Variants in KCNH1 observed in about 807,000 individuals in gnomAD.
The protein encoded by KCNH1 is voltage-gated delayed rectifier potassium channel KCNH1.
In KCNH1, 27 loss-of-function variants were observed where a neutral mutation model predicts 69.2. The ratio of observed to expected loss-of-function variants is 0.39; its 90% CI spans 0.29 to 0.54. The LOEUF (loss-of-function observed/expected upper bound fraction) is 0.54. KCNH1 is among the 20% of genes least tolerant of loss of function. The pLI, the probability that KCNH1 is intolerant of heterozygous loss-of-function variation, is 0.68. For missense variants in KCNH1, 798 were observed against 1,261.6 expected (o/e 0.63, Z 5.57); for synonymous variants, 456 against 487.7 (o/e 0.93, Z 0.86).
rs191965254 is a variant in KCNH1 at position 210,683,141 on chromosome 1, C to T, written c.*140G>A. ...TCTTTTTCCAGATAGAGAAAGAGCA[C>T]GTCTAAGCCACTGGCCCCACTTTTT... is the stretch of plus-strand genomic sequence containing the variant. On this transcript the variant is annotated 3_prime_UTR_variant, in exon 11 of 11. Transcript: ENST00000271751. The surrounding 1 kb of genome is among the most constrained non-coding windows in gnomAD (Gnocchi z 5.7). The T allele has an allele frequency of 1.7e-4, 137 of 813,546 alleles. No individual in the cohort carries two copies. Among genetic ancestry groups the T allele is most frequent in the Middle Eastern group, 3.7e-4 (1 of 2,712 alleles). The allele number at this position is 813,546 out of a possible 1,614,324, so 50.4% of individuals were successfully genotyped here. A position where few individuals can be genotyped will look rare whatever the true frequency, so the allele number is the denominator to read the frequency against.
chr1:211,070,766 G>T (rs537352830), intron 5 of KCNH1, among the ~76,000 whole-genome samples: 1 of 150,342 alleles, frequency 6.7e-6, no homozygotes, highest in African/African-American at 2.4e-5. Flanking sequence ...AGGTTGCAGT[G>T]AGCCAAGATC....
chr1:210,780,262 G>C (rs887553981), intron 9 of KCNH1, among the ~76,000 whole-genome samples: 1 of 152,096 alleles, frequency 6.6e-6, no homozygotes, highest in Non-Finnish European at 1.5e-5. Context: ...GCAGGTCTGG[G>C]AGATCAGAAA....
intron 7 of KCNH1, among the ~76,000 whole-genome samples, chr1:210,806,807 C>CAAA (rs1426085809): frequency 5.2e-5 from 1 of 19,204 alleles, no homozygotes; most frequent in African/African-American, 2.8e-4. Context: ...CCATCTCTAC[C>CAAA]AAAAAAAAAA....
intron 10 of KCNH1, among the ~76,000 whole-genome samples, chr1:210,721,023 A>G (rs1682441821): frequency 6.6e-6 from 1 of 152,138 alleles, no homozygotes; most frequent in Non-Finnish European, 1.5e-5. Context: ...AGAACCCTAC[A>G]ATACCCAAGT....
At position 210,683,090 on chromosome 1, in the gene KCNH1, G is replaced by A. The variant is rs915686201; in HGVS notation, c.*191C>T. The A allele has an allele frequency of 3.0e-6, 2 of 659,548 alleles. No individual in the cohort carries two copies. The highest frequency in any genetic ancestry group is 5.3e-6 in the Non-Finnish European group (2 of 374,938). The allele number at this position is 659,548 out of a possible 1,614,324, so 40.9% of individuals were successfully genotyped here. ...TTCAGATGCAGCTGCCACCTTGCAG[G>A]GTAGGGGCACGCTACCCTTCCCATA... On this transcript the variant is annotated 3_prime_UTR_variant, in exon 11 of 11. Transcript: ENST00000271751. This position sits in a 1 kb window ranked among gnomAD's most constrained non-coding sequence, Gnocchi z 5.7.
chr1:210,683,891 A>G lies in KCNH1; in HGVS notation c.2360T>C (p.Val787Ala). Residue 787 changes from valine to alanine, a missense_variant, in exon 11 of 11, where the codon GTG (valine) becomes GCG (alanine). Physicochemically the swap from Val to Ala is moderately conservative, Grantham distance 64 (BLOSUM62 0). Around this residue, in one of 4 missense-constraint regions of KCNH1, gnomAD observed 331 missense variants for 363.2 expected, o/e 0.91. Transcript: ENST00000271751. The surrounding 1 kb of genome is among the most constrained non-coding windows in gnomAD (Gnocchi z 5.7). ...SANHSLVKAS[V>A]VTVRESPATP... ...GGCAGGACTCTCACGCACGGTGACC[A>G]CGCTGGCCTTCACGAGGCTGTGGTT... 1.2e-6 allele frequency: 2 copies of G among 1,613,774 alleles called. No individual in the cohort carries two copies. Among genetic ancestry groups the G allele is most frequent in the South Asian group, 2.2e-5 (2 of 91,074 alleles).
At chr1:211,018,710 TCTTCTGTTGAC>T (rs1248776623) in intron 6 of KCNH1, 62 bp downstream of exon 6, 2 of 1,150,728 alleles carry the variant, frequency 1.7e-6, no homozygotes, top group African/African-American at 3.1e-5. Context: ...ATTTAATTAT[TCTTCTGTTGAC>T]CACCCACATT....
intron 8 of KCNH1, among the ~76,000 whole-genome samples, 171 bp from the exon 9 acceptor site, chr1:210,797,931 T>TA (rs1684351386): frequency 3.3e-5 from 5 of 152,076 alleles, no homozygotes; most frequent in Admixed American, 2.6e-4. Context: ...AGATAGCTTC[T>TA]AAAAAAAATC....
intron 7 of KCNH1, among the ~76,000 whole-genome samples, chr1:210,828,256 C>T (rs79001712): frequency 0.024 from 3,698 of 152,250 alleles, 151 homozygotes; most frequent in African/African-American, 0.085. Flanking sequence ...ATGATAGTAG[C>T]TACACTACTT....
chr1:210,752,076 A>G (rs4951566), intron 10 of KCNH1, among the ~76,000 whole-genome samples: 25,526 of 152,100 alleles, frequency 0.17, 3,382 homozygotes, highest in African/African-American at 0.37. Context: ...TTCTGTAACT[A>G]TTGTAGCCCA....
intron 10 of KCNH1, among the ~76,000 whole-genome samples, chr1:210,740,703 A>ATTTTTTTTTTT (rs1558449234): frequency 7.4e-5 from 10 of 135,522 alleles, no homozygotes; most frequent in African/African-American, 3.2e-4. Context: ...TTTATGATTA[A>ATTTTTTTTTTT]ATTTTTTTTT....
intron 6 of KCNH1, among the ~76,000 whole-genome samples, chr1:210,923,561 G>T (rs140187229): frequency 6.6e-6 from 1 of 152,216 alleles, no homozygotes; most frequent in Non-Finnish European, 1.5e-5. Context: ...ACAACTGCAC[G>T]ACTGTGCCTG....
chr1:211,018,880 A>G lies in KCNH1; in HGVS notation c.935T>C (p.Phe312Ser). ...SCLPYDVINAFENVDEVSAFM... is the reference protein window; with the variant it reads ...SCLPYDVINASENVDEVSAFM... ...GGCACTAACCTCATCCACGTTCTCAAAAGCGTTGATGACATCATATGGCAA... is the reference window on the plus strand; with the variant it reads ...GGCACTAACCTCATCCACGTTCTCAGAAGCGTTGATGACATCATATGGCAA... Residue 312 changes from phenylalanine (F) to serine (S), a missense_variant, in exon 6 of 11, where the codon TTT becomes TCT. By Grantham distance (155) the Phe-to-Ser change is radical (BLOSUM62 -2). Coordinates refer to ENST00000271751, the MANE Select transcript of KCNH1 (RefSeq NM_172362.3). The G allele has an allele frequency of 6.2e-7, 1 of 1,614,098 alleles. No homozygotes were observed. Among genetic ancestry groups the G allele is most frequent in the African/African-American group, 1.3e-5 (1 of 75,032 alleles).
intron 10 of KCNH1, among the ~76,000 whole-genome samples, chr1:210,713,839 T>C (rs1211302959): frequency 1.3e-5 from 2 of 152,102 alleles, no homozygotes; most frequent in South Asian, 2.1e-4. Context: ...AATTCAGAGG[T>C]CAACTACACA....
chr1:210,694,508 T>C (rs1044238245), intron 10 of KCNH1, among the ~76,000 whole-genome samples: 1 of 152,124 alleles, frequency 6.6e-6, no homozygotes, highest in African/African-American at 2.4e-5. Flanking sequence ...CTGCAGGGCA[T>C]ATGCCCAGTG....
intron 7 of KCNH1, among the ~76,000 whole-genome samples, chr1:210,864,303 G>A (rs140811133): frequency 1.6e-4 from 24 of 152,306 alleles, no homozygotes; most frequent in African/African-American, 5.8e-4. Context: ...GGGGAATGAG[G>A]AGCAGCTTAG....
chr1:210,924,616 T>C (rs1447324085), intron 6 of KCNH1, among the ~76,000 whole-genome samples: 1 of 152,190 alleles, frequency 6.6e-6, no homozygotes, highest in African/African-American at 2.4e-5. Flanking sequence ...TTTATTTTAG[T>C]ACACTAAAAA....
intron 6 of KCNH1, among the ~76,000 whole-genome samples, chr1:211,007,522 C>T (rs1348351223): frequency 6.6e-6 from 1 of 152,186 alleles, no homozygotes; most frequent in Non-Finnish European, 1.5e-5. Flanking sequence ...GTGGTCCTCC[C>T]GTTTCCCACT....
intron 5 of KCNH1, among the ~76,000 whole-genome samples, chr1:211,077,277 G>A (rs917402154): frequency 5.9e-5 from 9 of 151,734 alleles, no homozygotes; most frequent in African/African-American, 1.5e-4. Context: ...GACACTCCTC[G>A]GAACAGCGAC....
Sources: gnomAD v4.1 joint callset for allele counts (sites outside exome capture counted in the v4.1 genomes callset) on GRCh38, gnomAD v4.1.1 for gene constraint, gnomAD v4.1.1 regional missense constraint, Gnocchi (gnomAD v3.1) non-coding constraint, MANE v1.5 for transcripts, NCBI Gene and HGNC (gene_info 2026-07-23, HGNC 2026-07-21) for gene names.